Variants in BCL2 observed in about 807,000 individuals in gnomAD.
BCL2 encodes the protein BCL2 apoptosis regulator, also known as apoptosis regulator Bcl-2.
A neutral mutation model predicts 14.2 loss-of-function variants in BCL2; 1 was observed. The observed-to-expected ratio is 0.07, with a 90% confidence interval of 0.02 to 0.33. The LOEUF (loss-of-function observed/expected upper bound fraction) is 0.33. BCL2 is among the 10% of genes least tolerant of loss of function. The probability of loss-of-function intolerance (pLI) is 0.99; values close to 1 mark genes in which losing one functional copy is unlikely to be tolerated. For synonymous variants in BCL2, 151 were observed against 137.2 expected (o/e 1.10, Z -0.70); for missense variants, 247 against 305.9 (o/e 0.81, Z 1.44).
intron 2 of BCL2, among the ~76,000 whole-genome samples, chr18:63,213,148 A>T (rs1025037063): frequency 6.6e-6 from 1 of 152,184 alleles, no homozygotes; most frequent in Non-Finnish European, 1.5e-5. Context: ...TCCCCTACAT[A>T]GGTTGGTTTC....
At chr18:63,213,100 T>G (rs774047467) in intron 2 of BCL2, among the ~76,000 whole-genome samples, 14 of 152,214 alleles carry the variant, frequency 9.2e-5, no homozygotes, top group Non-Finnish European at 1.6e-4. Flanking sequence ...GTAGGCCGAT[T>G]CCTGCTGGTT....
At chr18:63,275,708 A>G (rs769242446) in intron 2 of BCL2, among the ~76,000 whole-genome samples, 2 of 152,224 alleles carry the variant, frequency 1.3e-5, no homozygotes, top group African/African-American at 2.4e-5. Context: ...AAGGCCAGGC[A>G]TGGGGGATTC....
chr18:63,258,071 T>C (rs190153474), intron 2 of BCL2, among the ~76,000 whole-genome samples: 6 of 152,264 alleles, frequency 3.9e-5, no homozygotes, highest in African/African-American at 1.4e-4. Context: ...TAGGACTGCG[T>C]CCTTATAGGC....
intron 2 of BCL2, among the ~76,000 whole-genome samples, chr18:63,260,474 A>G (rs1180336731): frequency 6.6e-6 from 1 of 152,244 alleles, no homozygotes; most frequent in Non-Finnish European, 1.5e-5. Flanking sequence ...CCCTGACAGC[A>G]GGGTACCTCT....
chr18:63,188,538 G>C (rs1276547689), intron 2 of BCL2, among the ~76,000 whole-genome samples: 1 of 152,060 alleles, frequency 6.6e-6, no homozygotes, highest in Non-Finnish European at 1.5e-5. Flanking sequence ...TAATTATATA[G>C]GTGATAGAAA....
chr18:63,211,063 C>CTTTTTTTT (rs59302545), intron 2 of BCL2, among the ~76,000 whole-genome samples: 14 of 59,162 alleles, frequency 2.4e-4, no homozygotes, highest in South Asian at 9.7e-4. Flanking sequence ...CTTTTCATTT[C>CTTTTTTTT]TTTTTTTTTT....
intron 2 of BCL2, among the ~76,000 whole-genome samples, chr18:63,146,894 G>C (rs1455571594): frequency 6.6e-6 from 1 of 152,194 alleles, no homozygotes; most frequent in Non-Finnish European, 1.5e-5. Flanking sequence ...CCTGAAGAAA[G>C]TGATTTTATT....
At chr18:63,277,980 C>T (rs114413404) in intron 2 of BCL2, among the ~76,000 whole-genome samples, 1,841 of 152,224 alleles carry the variant, frequency 0.012, 45 homozygotes, top group African/African-American at 0.042. Flanking sequence ...AGCCAGTGTC[C>T]CTCAACCCAA....
At chr18:63,144,390 T>C (rs1914452946) in intron 2 of BCL2, among the ~76,000 whole-genome samples, 1 of 152,000 alleles carries the variant, frequency 6.6e-6, no homozygotes, top group Non-Finnish European at 1.5e-5. Flanking sequence ...ATCAGAAAGG[T>C]CACACAACTT....
At chr18:63,281,115 G>T (rs115221963) in intron 2 of BCL2, among the ~76,000 whole-genome samples, 118 of 152,300 alleles carry the variant, frequency 7.7e-4, no homozygotes, top group African/African-American at 2.7e-3. Flanking sequence ...GAGGTACCTA[G>T]AGTAGTCAAG....
intron 2 of BCL2, among the ~76,000 whole-genome samples, chr18:63,307,839 G>A (rs1913189130): frequency 6.6e-6 from 1 of 152,180 alleles, no homozygotes; most frequent in African/African-American, 2.4e-5. Context: ...AAGGGAGGCT[G>A]GAAGAGAGAA....
chr18:63,306,960 G>A (rs534297738), intron 2 of BCL2, among the ~76,000 whole-genome samples: 5 of 151,490 alleles, frequency 3.3e-5, no homozygotes, highest in Non-Finnish European at 7.4e-5. Flanking sequence ...GGATAGCACT[G>A]CCCTAGACTA....
intron 2 of BCL2, among the ~76,000 whole-genome samples, chr18:63,293,670 G>C (rs1012819164): frequency 6.6e-6 from 1 of 152,134 alleles, no homozygotes. Context: ...TCTGGGGCTG[G>C]GGGGAGACAA....
rs373323155 is a variant in BCL2, at chr18:63,148,608, TG to T, written c.586-19850del. On this transcript the variant is annotated intron_variant, in intron 2 of 2. Coordinates refer to ENST00000333681, the MANE Select transcript of BCL2 (RefSeq NM_000633.3). Reference sequence around the variant, plus strand: ...CTCTCAATGATGCAATGAGATACTGTGAAGTGGCAACGAATTTCCCTGGCCT... The same window carrying T: ...CTCTCAATGATGCAATGAGATACTGTAAGTGGCAACGAATTTCCCTGGCCT... 1.8e-4 allele frequency among the ~76,000 whole-genome samples: 28 copies of T among 152,000 alleles called. No homozygotes were observed. In the South Asian group the frequency reaches 2.5e-3, roughly 14 times the overall value.
chr18:63,181,091 C>T (rs1342573274), intron 2 of BCL2, among the ~76,000 whole-genome samples: 9 of 152,214 alleles, frequency 5.9e-5, no homozygotes, highest in African/African-American at 1.9e-4. Flanking sequence ...CAAGCAAGTG[C>T]AACATGCAAG....
At chr18:63,309,629 T>G (rs1913243217) in intron 2 of BCL2, among the ~76,000 whole-genome samples, 1 of 152,088 alleles carries the variant, frequency 6.6e-6, no homozygotes, top group Admixed American at 6.5e-5. Flanking sequence ...CCAGGCTCAG[T>G]CACTGTCAAT....
intron 2 of BCL2, among the ~76,000 whole-genome samples, chr18:63,238,943 G>A (rs559486783): frequency 5.3e-5 from 8 of 152,334 alleles, no homozygotes; most frequent in Non-Finnish European, 1.0e-4. Context: ...TTGGTAACGA[G>A]AGAGCAGAGC....
intron 2 of BCL2, among the ~76,000 whole-genome samples, chr18:63,178,075 C>A (rs752203195): frequency 6.6e-6 from 1 of 152,198 alleles, no homozygotes; most frequent in African/African-American, 2.4e-5. Context: ...TGAGCCAAGT[C>A]CCCTGAGCAA....
At chr18:63,192,336 CA>C (rs1382634013) in intron 2 of BCL2, among the ~76,000 whole-genome samples, 2 of 152,150 alleles carry the variant, frequency 1.3e-5, no homozygotes, top group Non-Finnish European at 2.9e-5. Flanking sequence ...ATCAGGAAGT[CA>C]GTTCGAGTGG....
Sources: gnomAD v4.1 joint callset for allele counts (sites outside exome capture counted in the v4.1 genomes callset) on GRCh38, gnomAD v4.1.1 for gene constraint, MANE v1.5 for transcripts, NCBI Gene and HGNC (gene_info 2026-07-23, HGNC 2026-07-21) for gene names.